Variants in DMD observed in about 807,000 individuals in gnomAD.
The protein encoded by DMD is mutant dystrophin.
In DMD, 63 loss-of-function variants were observed where a neutral mutation model predicts 330.1. That is an observed-to-expected ratio of 0.19 (90% CI 0.16 to 0.24). The LOEUF is 0.24. Ranked by LOEUF, DMD falls within the 10% of genes least tolerant of loss-of-function variation. The probability of loss-of-function intolerance (pLI) is 1.00; values close to 1 mark genes in which losing one functional copy is unlikely to be tolerated. For missense variants in DMD, 3,344 were observed against 2,684.1 expected (o/e 1.25, Z -5.43); for synonymous variants, 1,223 against 959.8 (o/e 1.27, Z -5.07).
intron 17 of DMD, among the ~76,000 whole-genome samples, chrX:32,544,445 A>G (rs1255728020): frequency 8.9e-6 from 1 of 111,783 alleles, no homozygotes; most frequent in Non-Finnish European, 1.9e-5. Flanking sequence ...TAATCTTAGA[A>G]TTACAATAAC....
chrX:33,106,046 TACACACACCACAC>T (rs1285778793), intron 1 of DMD, among the ~76,000 whole-genome samples: 2 of 21,817 alleles, frequency 9.2e-5, no homozygotes, highest in African/African-American at 1.3e-4. Context: ...AAATGTGAGA[TACACACACCACAC>T]ACACACACAC....
intron 11 of DMD, among the ~76,000 whole-genome samples, chrX:32,631,798 G>A (rs1019496883): frequency 5.4e-5 from 6 of 111,204 alleles, no homozygotes; most frequent in African/African-American, 9.8e-5. Context: ...GAAATTCAAC[G>A]CCATGATTCA....
chrX:32,883,846 A>AAAAAAAAAAAAGAAAAGAAAAAG (rs2084251414), intron 2 of DMD, among the ~76,000 whole-genome samples: 1 of 101,965 alleles, frequency 9.8e-6, no homozygotes, highest in African/African-American at 3.7e-5. Flanking sequence ...AAAAAAAAAA[A>AAAAAAAAAAAAGAAAAGAAAAAG]AAAAAGAAAA....
chrX:31,340,472 A>C (rs2057669431), intron 61 of DMD, among the ~76,000 whole-genome samples: 1 of 112,078 alleles, frequency 8.9e-6, no homozygotes, highest in Non-Finnish European at 1.9e-5. Flanking sequence ...TGATGCAATA[A>C]CTGTTTGTCT....
intron 44 of DMD, among the ~76,000 whole-genome samples, chrX:32,064,526 GA>G (rs2096248188): frequency 9.0e-6 from 1 of 111,311 alleles, no homozygotes; most frequent in African/African-American, 3.3e-5. Context: ...AGTAAATTAC[GA>G]AAGTATGAGC....
chrX:32,297,234 A>ATTTT (rs1272480070), intron 42 of DMD, among the ~76,000 whole-genome samples: 40 of 70,928 alleles, frequency 5.6e-4, no homozygotes, highest in African/African-American at 1.6e-3. Flanking sequence ...AGACAGTCAT[A>ATTTT]TTTTATTTAT....
At chrX:32,428,436 T>G (rs2098222203) in intron 29 of DMD, among the ~76,000 whole-genome samples, 1 of 111,799 alleles carries the variant, frequency 8.9e-6, no homozygotes, top group Non-Finnish European at 1.9e-5. Flanking sequence ...CTATACAGTC[T>G]TTATATCCAC....
chrX:32,306,047 T>A, intron 42 of DMD, among the ~76,000 whole-genome samples: 1 of 74,631 alleles, frequency 1.3e-5, no homozygotes, highest in East Asian at 3.3e-4. Context: ...CAGATTCTGG[T>A]TTTTTTTTTT....
At chrX:32,931,654 T>G (rs1040896640) in intron 2 of DMD, among the ~76,000 whole-genome samples, 1 of 111,502 alleles carries the variant, frequency 9.0e-6, no homozygotes, top group Admixed American at 9.6e-5. Flanking sequence ...AACGTATCAA[T>G]TGATTTAAAG....
At chrX:31,986,545 T>C (rs1404007348) in intron 44 of DMD, among the ~76,000 whole-genome samples, 1 of 110,940 alleles carries the variant, frequency 9.0e-6, no homozygotes, top group African/African-American at 3.3e-5. Flanking sequence ...CCCGAGTAGC[T>C]GGGACTACAG....
rs2098305427 is a variant in DMD, at chrX:32,446,482, G to A, written c.3786+1974C>T. Among the ~76,000 whole-genome samples the A allele has an allele frequency of 2.7e-5, 3 of 109,302 alleles. No individual in the cohort carries two copies. In the South Asian group the frequency reaches 1.1e-3, roughly 41 times the overall value. 94.9% of individuals were successfully genotyped at this position (109,302 alleles called of 115,157 possible). A position where few individuals can be genotyped will look rare whatever the true frequency, so the allele number is the denominator to read the frequency against. ...TATCCAATACTCAGGGCAAAATAAA[G>A]GCATTTTCAATATGTAAAATCTGAA... On this transcript the variant is annotated intron_variant, in intron 27 of 78. Coordinates refer to ENST00000357033, the MANE Select transcript of DMD (RefSeq NM_004006.3).
At chrX:32,706,985 G>A (rs939406216) in intron 7 of DMD, among the ~76,000 whole-genome samples, 1 of 110,456 alleles carries the variant, frequency 9.1e-6, no homozygotes, top group African/African-American at 3.3e-5. Flanking sequence ...CCACCTACTC[G>A]GGAGGCTGAG....
chrX:32,485,337 A>G (rs1421845216), intron 20 of DMD, among the ~76,000 whole-genome samples: 3 of 111,082 alleles, frequency 2.7e-5, no homozygotes. Flanking sequence ...TTTCAAGATG[A>G]CATAATTTAG....
rs140685684 is a variant in DMD at position 32,314,867 on chromosome X, T to G, written c.5923-4591A>C. On this transcript the variant is annotated intron_variant, in intron 41 of 78. Transcript: ENST00000357033. ...CATCTCACACCAGTTAGAATGGCGATCATTAAAAAGTCAGGAAACAACTGA... is the reference window on the plus strand; with the variant it reads ...CATCTCACACCAGTTAGAATGGCGAGCATTAAAAAGTCAGGAAACAACTGA... Among the ~76,000 whole-genome samples the G allele has an allele frequency of 3.1e-3, 347 of 111,274 alleles. 11 individuals are homozygous for G. The East Asian group carries it at 0.084, about 27-fold the overall frequency.
chrX:31,199,956 C>T (rs767247545), intron 67 of DMD, among the ~76,000 whole-genome samples: 1 of 111,745 alleles, frequency 8.9e-6, no homozygotes, highest in Non-Finnish European at 1.9e-5. Flanking sequence ...TTTTTATGCA[C>T]GTGGCACAAT....
At chrX:31,198,135 G>C (rs2148489308) in intron 67 of DMD, among the ~76,000 whole-genome samples, 2 of 110,480 alleles carry the variant, frequency 1.8e-5, no homozygotes, top group East Asian at 5.7e-4. Flanking sequence ...ATGGTTAATG[G>C]GTACAAAAAT....
intron 74 of DMD, among the ~76,000 whole-genome samples, chrX:31,151,880 G>T (rs2037456817): frequency 8.9e-6 from 1 of 111,842 alleles, no homozygotes; most frequent in South Asian, 3.7e-4. Context: ...CTAAATTCTA[G>T]TAAGGTATAT....
chrX:31,364,273 C>T (rs1167141141), intron 60 of DMD, among the ~76,000 whole-genome samples: 9 of 112,295 alleles, frequency 8.0e-5, no homozygotes, highest in Admixed American at 6.6e-4. Context: ...ATCAATTCCA[C>T]GATTCCATTC....
chrX:32,441,829 CTA>C (rs1307672453), intron 27 of DMD, among the ~76,000 whole-genome samples: 1 of 111,358 alleles, frequency 9.0e-6, no homozygotes, highest in African/African-American at 3.2e-5. Flanking sequence ...TAAAGTGGCT[CTA>C]TCTTAGTTTA....
Sources: allele counts gnomAD v4.1 joint callset (sites outside exome capture counted in the v4.1 genomes callset), GRCh38; gene constraint gnomAD v4.1.1; transcripts MANE v1.5; gene names NCBI Gene and HGNC (gene_info 2026-07-23, HGNC 2026-07-21).